Variants in SHROOM3 observed in about 807,000 individuals in gnomAD.
The protein encoded by SHROOM3 is protein Shroom3.
A neutral mutation model predicts 138.6 loss-of-function variants in SHROOM3; 47 were observed. That is an observed-to-expected ratio of 0.34 (90% confidence interval 0.27 to 0.43). The LOEUF is 0.43. Among genes scored for constraint, SHROOM3 ranks in the 20% least tolerant of loss-of-function variants. SHROOM3 has a pLI of 1.00. For missense variants in SHROOM3, 2,491 were observed against 2,596.5 expected (o/e 0.96, Z 0.88); for synonymous variants, 1,062 against 1,063.3 (o/e 1.00, Z 0.02).
intron 2 of SHROOM3, among the ~76,000 whole-genome samples, chr4:76,565,461 C>T (rs1475717850): frequency 6.6e-6 from 1 of 152,164 alleles, no homozygotes; most frequent in African/African-American, 2.4e-5. Context: ...AAACTAATTC[C>T]TGGCTCCTAC....
rs909329200 is a variant in SHROOM3 at position 76,740,798 on chromosome 4, C to A, written c.2625C>A (p.Gly875=). 11 of 1,609,878 alleles carry A rather than the reference C, an allele frequency of 6.8e-6. No individual in the cohort carries two copies. Among genetic ancestry groups the A allele is most frequent in the African/African-American group, 6.7e-5 (5 of 74,942 alleles). The change falls in exon 5 of 11, where the codon GGC becomes GGA. Residue 875 remains glycine (G), a synonymous_variant. Transcript: ENST00000296043. This position sits in a 1 kb window ranked among gnomAD's most constrained non-coding sequence, Gnocchi z 4.0. ...TGAGCGGAGGAGCGTCGGACAGCGG[C>A]CGTGGCCCCCAGAGGCCGGACGCTC... is the stretch of plus-strand genomic sequence containing the variant. The part of the protein sequence containing the change: ...QQLSGGASDS[G]RGPQRPDARL...
At chr4:76,652,930 T>C (rs1208514735) in intron 2 of SHROOM3, among the ~76,000 whole-genome samples, 1 of 152,068 alleles carries the variant, frequency 6.6e-6, no homozygotes, top group African/African-American at 2.4e-5. Flanking sequence ...TGTTGAGGGA[T>C]GTAGACCTGG....
rs1560563360 is a variant in SHROOM3 at position 76,608,663 on chromosome 4, T to TAGCATAGCATAGCACAGCAC, written c.323+52904_323+52905insTAGCATAGCACAGCACAGCA. Among the ~76,000 whole-genome samples the TAGCATAGCATAGCACAGCAC allele has an allele frequency of 3.2e-4, 10 of 31,440 alleles. 1 individual carries two copies. Among genetic ancestry groups the TAGCATAGCATAGCACAGCAC allele is most frequent in the African/African-American group, 5.7e-4 (10 of 17,512 alleles). The allele number at this position is 31,440 out of a possible 152,430, so 20.6% of individuals were successfully genotyped here. ...TAGCATAGCATAGCATAGCATAGCA[T>TAGCATAGCATAGCACAGCAC]AGCACAGCATAGCACAGCACAGCAC... On this transcript the variant is annotated intron_variant, in intron 2 of 10. Coordinates refer to ENST00000296043, the MANE Select transcript of SHROOM3 (RefSeq NM_020859.4).
At chr4:76,765,541 C>T (rs1026880659) in intron 9 of SHROOM3, among the ~76,000 whole-genome samples, 6 of 152,002 alleles carry the variant, frequency 3.9e-5, no homozygotes, top group African/African-American at 1.4e-4. Flanking sequence ...AGCTGAATTC[C>T]ACTCTATTCC....
chr4:76,530,707 A>G (rs895466463), intron 1 of SHROOM3, among the ~76,000 whole-genome samples: 1 of 152,212 alleles, frequency 6.6e-6, no homozygotes, highest in Non-Finnish European at 1.5e-5. Context: ...TGGACAGATC[A>G]CATGAGATCT....
chr4:76,754,951 T>A lies in SHROOM3; in HGVS notation c.4468T>A (p.Ser1490Thr), dbSNP rs1041451291. 6.2e-7 allele frequency: 1 copy of A among 1,614,134 alleles called. No homozygotes were observed. The highest frequency in any genetic ancestry group is 1.7e-5 in the Admixed American group (1 of 60,024). Residue 1490 changes from serine (S) to threonine (T), a missense_variant, in exon 7 of 11, where the codon TCT (serine) becomes ACT (threonine). Physicochemically the swap from Ser to Thr is moderately conservative, Grantham distance 58 (BLOSUM62 1). This residue lies in a region of SHROOM3 where 1,733 missense variants were observed against 1,661.6 expected (regional missense o/e 1.04). Coordinates refer to ENST00000296043, the MANE Select transcript of SHROOM3 (RefSeq NM_020859.4). ...STPGRISLRISESVLRDSPPP... is the reference protein window; with the variant it reads ...STPGRISLRITESVLRDSPPP... Reference sequence around the variant, plus strand: ...TCCAGGGAGGATCTCCCTCCGAATATCTGAGTCTGTCCTGCGGGACTCCCC... The same window carrying A: ...TCCAGGGAGGATCTCCCTCCGAATAACTGAGTCTGTCCTGCGGGACTCCCC...
intron 2 of SHROOM3, among the ~76,000 whole-genome samples, chr4:76,560,545 T>C (rs956202322): frequency 3.3e-5 from 5 of 152,188 alleles, no homozygotes; most frequent in African/African-American, 1.2e-4. Context: ...TCCAACCTTC[T>C]GCATTAAGGT....
intron 1 of SHROOM3, among the ~76,000 whole-genome samples, chr4:76,512,904 A>G (rs544818868): frequency 2.0e-5 from 3 of 152,218 alleles, no homozygotes; most frequent in Non-Finnish European, 4.4e-5. Flanking sequence ...AACAAGGTGG[A>G]TTGGATCATA....
intron 1 of SHROOM3, among the ~76,000 whole-genome samples, chr4:76,555,204 T>C (rs952256553): frequency 2.6e-5 from 4 of 152,124 alleles, no homozygotes; most frequent in Non-Finnish European, 4.4e-5. Context: ...AAAATTGTCT[T>C]CCACAAAACT....
chr4:76,583,698 A>G (rs1734094517), intron 2 of SHROOM3, among the ~76,000 whole-genome samples: 1 of 152,174 alleles, frequency 6.6e-6, no homozygotes, highest in Non-Finnish European at 1.5e-5. Context: ...TCGAAGCCTC[A>G]GTTTCCACAT....
At chr4:76,659,020 G>A (rs1330098986) in intron 2 of SHROOM3, among the ~76,000 whole-genome samples, 4 of 105,578 alleles carry the variant, frequency 3.8e-5, no homozygotes, top group African/African-American at 9.3e-5. Context: ...ACACTGTTAT[G>A]ATTAAACAAA....
chr4:76,446,624 C>T lies in SHROOM3; in HGVS notation c.168+10404C>T, dbSNP rs1051470811. Among the ~76,000 whole-genome samples the T allele has an allele frequency of 2.6e-5, 4 of 152,204 alleles. No individual in the cohort carries two copies. The East Asian group carries it at 5.8e-4, about 22-fold the overall frequency. On this transcript the variant is annotated intron_variant, in intron 1 of 10. Transcript: ENST00000296043. ...CTGGTACTCAAGGAGAAATACTAGACGAACATTAGATGGTTTAAAGCTAAC... is the reference window on the plus strand; with the variant it reads ...CTGGTACTCAAGGAGAAATACTAGATGAACATTAGATGGTTTAAAGCTAAC...
chr4:76,745,226 A>G (rs1721398012), intron 5 of SHROOM3, among the ~76,000 whole-genome samples: 1 of 152,252 alleles, frequency 6.6e-6, no homozygotes, highest in African/African-American at 2.4e-5. Flanking sequence ...AGGACCTGCA[A>G]AGCTATAGAA....
chr4:76,459,900 C>G (rs570130783), intron 1 of SHROOM3, among the ~76,000 whole-genome samples: 1 of 152,258 alleles, frequency 6.6e-6, no homozygotes, highest in South Asian at 2.1e-4. Context: ...TCAGTTTTTC[C>G]TAGCCTCAGT....
chr4:76,490,891 A>AG (rs869107889), intron 1 of SHROOM3, among the ~76,000 whole-genome samples: 3 of 50,308 alleles, frequency 6.0e-5, no homozygotes, highest in South Asian at 4.7e-4. Flanking sequence ...TCACTAGCCC[A>AG]TATTACACAA....
At chr4:76,617,611 T>C (rs984146758) in intron 2 of SHROOM3, among the ~76,000 whole-genome samples, 20 of 152,338 alleles carry the variant, frequency 1.3e-4, no homozygotes, top group African/African-American at 4.6e-4. Flanking sequence ...GACTACTTCA[T>C]TGCATTACAG....
chr4:76,463,357 G>T (rs909315020), intron 1 of SHROOM3, among the ~76,000 whole-genome samples: 7 of 152,246 alleles, frequency 4.6e-5, no homozygotes, highest in African/African-American at 1.7e-4. Flanking sequence ...CATTCAGGAA[G>T]TGGCCTGGCT....
intron 1 of SHROOM3, among the ~76,000 whole-genome samples, chr4:76,478,204 G>A (rs1026651297): frequency 6.6e-5 from 10 of 152,212 alleles, no homozygotes; most frequent in Admixed American, 6.5e-4. Context: ...CCCCCATGGA[G>A]CCCAGCAAGC....
rs190223340 is a variant in SHROOM3 at position 76,778,871 on chromosome 4, G to A, written c.5685G>A (p.Lys1895=). The change falls in exon 11 of 11, where the codon AAG becomes AAA. Residue 1895 remains lysine, a synonymous_variant. Transcript: ENST00000296043. ...AGCATGAGGATGCCCGGGAGCTGAA[G>A]GAGAACCTGGATCGCAGGGAGCGAG... ...AGQHEDAREL[K]ENLDRRERVV... 1.2e-6 allele frequency: 2 copies of A among 1,613,058 alleles called. No homozygotes were observed. The highest frequency in any genetic ancestry group is 2.7e-5 in the African/African-American group (2 of 75,002).
Sources: gnomAD v4.1 joint callset for allele counts (sites outside exome capture counted in the v4.1 genomes callset) on GRCh38, gnomAD v4.1.1 for gene constraint, gnomAD v4.1.1 regional missense constraint, Gnocchi (gnomAD v3.1) non-coding constraint, MANE v1.5 for transcripts, NCBI Gene and HGNC (gene_info 2026-07-23, HGNC 2026-07-21) for gene names.